Variants in NME7 observed in about 807,000 individuals in gnomAD.
NME7 encodes the protein nucleoside diphosphate kinase 7.
In NME7, 41 loss-of-function variants were observed where a neutral mutation model predicts 49.1. The ratio of observed to expected loss-of-function variants is 0.83; its 90% CI spans 0.65 to 1.08. The LOEUF (loss-of-function observed/expected upper bound fraction) is 1.08. Among genes scored for constraint, NME7 ranks in the 50% least tolerant of loss-of-function variants. NME7 has a pLI of 0.00. For synonymous variants in NME7, 139 were observed against 150.6 expected, an observed-to-expected ratio of 0.92 and a Z score of 0.56; for missense variants, 423 against 463.4, an observed-to-expected ratio of 0.91 and a Z score of 0.80.
In NME7 at chr1:169,218,605, G is replaced by GA. The variant is rs1048233738; in HGVS notation, c.990+12112dup. On this transcript the variant is annotated intron_variant, in intron 10 of 11. Coordinates refer to ENST00000367811, the MANE Select transcript of NME7 (RefSeq NM_013330.5). ...AAACAAACAAACAAAGCAAAGCAAA[G>GA]AAAAAATAATAGTATTTCCTGTTAA... Among the ~76,000 whole-genome samples the GA allele has an allele frequency of 4.2e-4, 56 of 132,806 alleles. 1 individual carries two copies. The highest frequency in any genetic ancestry group is 1.6e-4 in the Non-Finnish European group (10 of 61,548). 87.1% of individuals were successfully genotyped at this position (132,806 alleles called of 152,430 possible). A position where few individuals can be genotyped will look rare whatever the true frequency, so the allele number is the denominator to read the frequency against.
At chr1:169,220,566 A>G (rs1661113463) in intron 10 of NME7, among the ~76,000 whole-genome samples, 1 of 151,872 alleles carries the variant, frequency 6.6e-6, no homozygotes, top group African/African-American at 2.4e-5. Flanking sequence ...ACACATGATC[A>G]TTTTCTCCAG....
chr1:169,133,023 C>G (rs1456414252), intron 11 of NME7, among the ~76,000 whole-genome samples: 1 of 152,142 alleles, frequency 6.6e-6, no homozygotes, highest in Non-Finnish European at 1.5e-5. Flanking sequence ...AGTGCTACTG[C>G]TACTTCACTC....
At chr1:169,208,008 T>C (rs1660719218) in intron 10 of NME7, among the ~76,000 whole-genome samples, 1 of 152,212 alleles carries the variant, frequency 6.6e-6, no homozygotes, top group East Asian at 1.9e-4. Context: ...TCTGTAACTT[T>C]TGGCAACAAA....
chr1:169,238,476 G>T (rs1055183961), intron 7 of NME7, among the ~76,000 whole-genome samples: 1 of 79,112 alleles, frequency 1.3e-5, no homozygotes, highest in African/African-American at 6.0e-5. Context: ...CATGCACAAA[G>T]GCACACACAC....
At chr1:169,233,118 T>C (rs1281720832) in intron 9 of NME7, among the ~76,000 whole-genome samples, 2 of 91,490 alleles carry the variant, frequency 2.2e-5, no homozygotes, top group Non-Finnish European at 4.6e-5. Context: ...CAAACATAAT[T>C]GTTCAAAGAA....
intron 1 of NME7, among the ~76,000 whole-genome samples, chr1:169,330,031 T>C (rs1430502849): frequency 6.6e-6 from 1 of 152,110 alleles, no homozygotes; most frequent in Non-Finnish European, 1.5e-5. Flanking sequence ...GGAGAGAGTG[T>C]CATTACATAT....
intron 1 of NME7, among the ~76,000 whole-genome samples, chr1:169,364,657 C>A (rs1177494262): frequency 6.6e-6 from 1 of 152,208 alleles, no homozygotes; most frequent in African/African-American, 2.4e-5. Flanking sequence ...GAAATCTAAC[C>A]TAACTGACTC....
intron 11 of NME7, among the ~76,000 whole-genome samples, chr1:169,134,061 G>C (rs1214664111): frequency 6.6e-6 from 1 of 152,130 alleles, no homozygotes; most frequent in African/African-American, 2.4e-5. Context: ...AATTTCTCCA[G>C]ATTGTGCCAA....
intron 1 of NME7, among the ~76,000 whole-genome samples, chr1:169,335,708 T>A (rs900402320): frequency 1.4e-5 from 2 of 146,922 alleles, no homozygotes; most frequent in East Asian, 1.9e-4. Flanking sequence ...TTTATATATT[T>A]TATATATATT....
intron 7 of NME7, among the ~76,000 whole-genome samples, chr1:169,279,817 T>C (rs1186693256): frequency 2.6e-5 from 4 of 152,184 alleles, no homozygotes; most frequent in Non-Finnish European, 5.9e-5. Context: ...GCTGTTCCTA[T>C]TCGGCCATCT....
At chr1:169,205,340 T>G (rs1279166826) in intron 10 of NME7, among the ~76,000 whole-genome samples, 1 of 152,094 alleles carries the variant, frequency 6.6e-6, no homozygotes, top group Non-Finnish European at 1.5e-5. Flanking sequence ...CTTCCTTTCC[T>G]CAATTACTCT....
At chr1:169,183,598 G>C (rs940424281) in intron 10 of NME7, among the ~76,000 whole-genome samples, 13 of 151,922 alleles carry the variant, frequency 8.6e-5, no homozygotes. Flanking sequence ...TCAGGAGATT[G>C]AGACCATCCT....
At chr1:169,251,851 T>A (rs990722510) in intron 7 of NME7, among the ~76,000 whole-genome samples, 5 of 151,824 alleles carry the variant, frequency 3.3e-5, no homozygotes, top group African/African-American at 9.6e-5. Flanking sequence ...GAGAATGATG[T>A]TTTCCAGTTT....
rs1033728276 is a variant in NME7, at chr1:169,250,571, C to T, written c.755-12884G>A. ...TCCTTGAGGTATGATGTTAGGTTGT[C>T]AATTTATCATCTTTCAGATTTTTTA... On this transcript the variant is annotated intron_variant, in intron 7 of 11. Transcript: ENST00000367811. 3.3e-5 allele frequency among the ~76,000 whole-genome samples: 5 copies of T among 152,022 alleles called. No homozygotes were observed. The South Asian group carries it at 8.3e-4, about 25-fold the overall frequency.
intron 10 of NME7, among the ~76,000 whole-genome samples, chr1:169,181,409 A>G (rs575868400): frequency 6.6e-6 from 1 of 152,004 alleles, no homozygotes; most frequent in South Asian, 2.1e-4. Context: ...ACATATATAC[A>G]CACACATTAT....
chr1:169,355,053 TA>T (rs1653354857), intron 1 of NME7, among the ~76,000 whole-genome samples: 4 of 78,602 alleles, frequency 5.1e-5, no homozygotes, highest in African/African-American at 1.0e-4. Flanking sequence ...ATATAATATA[TA>T]ATATACTATA....
chr1:169,215,273 T>G (rs1039098276), intron 10 of NME7, among the ~76,000 whole-genome samples: 2 of 152,146 alleles, frequency 1.3e-5, no homozygotes, highest in Non-Finnish European at 2.9e-5. Flanking sequence ...TTCTCCCCTC[T>G]ACTGGCTGAG....
chr1:169,350,838 C>T (rs1653146743), intron 1 of NME7, among the ~76,000 whole-genome samples: 1 of 152,080 alleles, frequency 6.6e-6, no homozygotes, highest in Non-Finnish European at 1.5e-5. Flanking sequence ...TACAGACATG[C>T]ACATCACATG....
intron 1 of NME7, among the ~76,000 whole-genome samples, chr1:169,353,361 C>A (rs1653251279): frequency 1.3e-5 from 2 of 151,964 alleles, no homozygotes; most frequent in Non-Finnish European, 2.9e-5. Context: ...TGGAACAAGA[C>A]CCCTTTCTCT....
Sources: gnomAD v4.1 joint callset for allele counts (sites outside exome capture counted in the v4.1 genomes callset) on GRCh38, gnomAD v4.1.1 for gene constraint, MANE v1.5 for transcripts, NCBI Gene and HGNC (gene_info 2026-07-23, HGNC 2026-07-21) for gene names.